KAT7: variants seen among roughly 807,000 people sequenced by gnomAD.
KAT7 encodes histone acetyltransferase KAT7.
A neutral mutation model predicts 82.1 loss-of-function variants in KAT7; 10 were observed. That is an observed-to-expected ratio of 0.12 (90% CI 0.08 to 0.21). KAT7 has a LOEUF of 0.21. KAT7 is among the 10% of genes least tolerant of loss of function. The pLI, the probability that KAT7 is intolerant of heterozygous loss-of-function variation, is 1.00. For missense variants in KAT7, 378 were observed against 760.9 expected (o/e 0.50, Z 5.92); for synonymous variants, 250 against 262.5 (o/e 0.95, Z 0.46).
chr17:49,804,640 T>A (rs1177575229), intron 4 of KAT7, among the ~76,000 whole-genome samples: 1 of 151,796 alleles, frequency 6.6e-6, no homozygotes, highest in East Asian at 1.9e-4. Flanking sequence ...CAGCGTGATG[T>A]TGTGAGCCTG....
chr17:49,797,309 C>T (rs1041267031), intron 3 of KAT7, among the ~76,000 whole-genome samples: 1 of 152,126 alleles, frequency 6.6e-6, no homozygotes, highest in African/African-American at 2.4e-5. Flanking sequence ...GTGATCCACC[C>T]GCCTCAGCCT....
rs1457016216 is a variant in KAT7 at position 49,828,788 on chromosome 17, G to A, written c.*1286G>A. 1 of 153,202 alleles carries A rather than the reference G, an allele frequency of 6.5e-6. No individual in the cohort carries two copies. Among genetic ancestry groups the A allele is most frequent in the Non-Finnish European group, 1.5e-5 (1 of 68,016 alleles). The allele number at this position is 153,202 out of a possible 1,614,324, so 9.5% of individuals were successfully genotyped here. The stretch of plus-strand genomic sequence containing the variant: ...TATGACATGTCACCCTTCCCAACTT[G>A]GTCTCCTCCAACATGCTGTCTTCAT... On this transcript the variant is annotated 3_prime_UTR_variant, in exon 15 of 15. Coordinates refer to ENST00000259021, the MANE Select transcript of KAT7 (RefSeq NM_007067.5).
At chr17:49,809,857 C>G (rs2074139722) in intron 6 of KAT7, among the ~76,000 whole-genome samples, 1 of 152,184 alleles carries the variant, frequency 6.6e-6, no homozygotes, top group African/African-American at 2.4e-5. Context: ...CAAATTCTCT[C>G]CCACCGTTAA....
At chr17:49,822,186 C>T (rs1201994116) in intron 11 of KAT7, among the ~76,000 whole-genome samples, 1 of 152,044 alleles carries the variant, frequency 6.6e-6, no homozygotes, top group Non-Finnish European at 1.5e-5. Context: ...TAGCACAGTG[C>T]CTTCAGTGAT....
intron 4 of KAT7, among the ~76,000 whole-genome samples, chr17:49,804,250 G>A (rs1203100318): frequency 1.3e-5 from 2 of 151,974 alleles, no homozygotes; most frequent in Admixed American, 6.6e-5. Context: ...GTGGCGGCAG[G>A]CGCCTGTAGT....
chr17:49,795,319 G>T, intron 2 of KAT7: 1 of 171,738 alleles, frequency 5.8e-6, no homozygotes, highest in Admixed American at 6.3e-5. Flanking sequence ...CTTACACGGA[G>T]GGAATTGAGC....
In KAT7 at chr17:49,827,972, T is replaced by C. The variant is rs1174881543; in HGVS notation, c.*470T>C. On this transcript the variant is annotated 3_prime_UTR_variant, in exon 15 of 15. Transcript: ENST00000259021. ...AGGGGCAGGGAAAAGGTGGCACTTGTGAGTGTGTGTGGATTGGCAGGGGGT... is the reference window on the plus strand; with the variant it reads ...AGGGGCAGGGAAAAGGTGGCACTTGCGAGTGTGTGTGGATTGGCAGGGGGT... The C allele has an allele frequency of 1.3e-5, 2 of 155,652 alleles. No individual in the cohort carries two copies. The highest frequency in any genetic ancestry group is 1.4e-5 in the Non-Finnish European group (1 of 70,206). 9.6% of individuals were successfully genotyped at this position (155,652 alleles called of 1,614,324 possible). A position where few individuals can be genotyped will look rare whatever the true frequency, so the allele number is the denominator to read the frequency against.
chr17:49,788,999 A>G (rs1214532522), intron 1 of KAT7, 150 bp downstream of exon 1: 2 of 649,730 alleles, frequency 3.1e-6, no homozygotes, highest in Non-Finnish European at 4.8e-6. Flanking sequence ...CATACCCAAC[A>G]GAAAAATGTG....
intron 6 of KAT7, among the ~76,000 whole-genome samples, chr17:49,810,522 G>T (rs1425516814): frequency 6.6e-6 from 1 of 152,160 alleles, no homozygotes; most frequent in Non-Finnish European, 1.5e-5. Context: ...CTCCCAAAGT[G>T]CTGGGATTAT....
At chr17:49,809,378 A>C (rs1288508571) in intron 6 of KAT7, among the ~76,000 whole-genome samples, 170 bp downstream of exon 6, 1 of 152,252 alleles carries the variant, frequency 6.6e-6, no homozygotes, top group East Asian at 1.9e-4. Flanking sequence ...TAAAACAAAC[A>C]CTTCTACCTC....
Position 49,821,629 on chromosome 17 carries a change from ACT to A in KAT7, c.1246-18_1246-17del. The A allele has an allele frequency of 1.2e-6, 2 of 1,612,350 alleles. No homozygotes were observed. The highest frequency in any genetic ancestry group is 1.7e-6 in the Non-Finnish European group (2 of 1,179,924). On this transcript the variant is annotated intron_variant, in intron 10 of 14. Transcript: ENST00000259021. ...TTAGGAATCAGTGGCCCACACATGA[ACT>A]CTGTTTCTCTGCTTCCAGATCTACT...
intron 9 of KAT7, 82 bp from the exon 10 acceptor site, chr17:49,821,255 G>C: frequency 1.0e-6 from 1 of 991,424 alleles, no homozygotes. Context: ...AACCACATTT[G>C]ACCTGTCATT....
intron 9 of KAT7, among the ~76,000 whole-genome samples, chr17:49,820,123 A>G (rs1314887447): frequency 6.6e-6 from 1 of 152,216 alleles, no homozygotes; most frequent in Non-Finnish European, 1.5e-5. Flanking sequence ...CTAACCAGGC[A>G]TGGCGCCATG....
At position 49,827,646 on chromosome 17, in the gene KAT7, C is replaced by T. The variant is rs1348008235; in HGVS notation, c.*144C>T. The T allele has an allele frequency of 7.9e-6, 5 of 630,180 alleles. No homozygotes were observed. The highest frequency in any genetic ancestry group is 5.4e-5 in the Admixed American group (2 of 37,334). The allele number at this position is 630,180 out of a possible 1,614,324, so 39.0% of individuals were successfully genotyped here. On this transcript the variant is annotated 3_prime_UTR_variant, in exon 15 of 15. Transcript: ENST00000259021. ...ATCCCCCTCAGGACTGTCCTGGCTC[C>T]GACCTTTGTGTACACTGCAGACGCT...
At chr17:49,814,937 A>G (rs1197002399) in intron 7 of KAT7, 1 of 152,182 alleles carries the variant, frequency 6.6e-6, no homozygotes. Flanking sequence ...CACTCCACTT[A>G]ACTACCATTA....
At chr17:49,808,401 T>C (rs1489904488) in intron 5 of KAT7, among the ~76,000 whole-genome samples, 5 of 151,486 alleles carry the variant, frequency 3.3e-5, no homozygotes, top group African/African-American at 7.3e-5. Context: ...ATTACAGATA[T>C]AAGGCACTGC....
intron 9 of KAT7, among the ~76,000 whole-genome samples, chr17:49,819,204 ACTGCTTTTTTAT>A (rs1436786353): frequency 2.0e-4 from 30 of 152,264 alleles, no homozygotes; most frequent in African/African-American, 6.5e-4. Flanking sequence ...GTTGGTGATA[ACTGCTTTTTTAT>A]GTTCCCAGTT....
intron 7 of KAT7, among the ~76,000 whole-genome samples, chr17:49,813,363 T>C (rs982581107): frequency 3.3e-5 from 5 of 152,204 alleles, no homozygotes; most frequent in Admixed American, 6.5e-5. Context: ...TTTCATTCTT[T>C]TTTATGGCTG....
intron 3 of KAT7, among the ~76,000 whole-genome samples, 169 bp downstream of exon 3, chr17:49,797,095 G>A (rs1598054381): frequency 1.3e-5 from 2 of 148,640 alleles, no homozygotes; most frequent in South Asian, 4.2e-4. Context: ...ACGGAGTCTC[G>A]CTCTATTGCC....
Sources: allele counts gnomAD v4.1 joint callset (sites outside exome capture counted in the v4.1 genomes callset), GRCh38; gene constraint gnomAD v4.1.1; transcripts MANE v1.5; gene names NCBI Gene and HGNC (gene_info 2026-07-23, HGNC 2026-07-21).